LINGO2: variants seen among roughly 807,000 people sequenced by gnomAD.
LINGO2 encodes leucine rich repeat and Ig domain containing 2.
In LINGO2, 14 loss-of-function variants were observed where a neutral mutation model predicts 30.6. The ratio of observed to expected loss-of-function variants is 0.46; its 90% CI spans 0.30 to 0.72. LINGO2 has a LOEUF of 0.72. Ranked by LOEUF, LINGO2 falls within the 30% of genes least tolerant of loss-of-function variation. The pLI is 0.07. For synonymous variants in LINGO2, 317 were observed against 288.5 expected, an observed-to-expected ratio of 1.10 and a Z score of -1.00; for missense variants, 729 against 751.7, an observed-to-expected ratio of 0.97 and a Z score of 0.35.
At chr9:29,182,139 C>A in the LINGO2 span, among the ~76,000 whole-genome samples, 11 of 152,106 alleles carry the variant, frequency 7.2e-5, no homozygotes, top group Non-Finnish European at 1.5e-5. Flanking sequence ...AAAAGGCTTT[C>A]ATTTTATAAA....
chr9:28,090,472 T>G lies in LINGO2; in HGVS notation c.-86-78067A>C, dbSNP rs55930815. The stretch of plus-strand genomic sequence containing the variant: ...AACCAAAGACAAAAAACCACATGAT[T>G]ATCTCAATAGAAGCAGAAAAGGCCT... On this transcript the variant is annotated intron_variant, in intron 4 of 5. Transcript: ENST00000379992. Among the ~76,000 whole-genome samples, 582 of 152,252 alleles carry G rather than the reference T, an allele frequency of 3.8e-3. 3 individuals are homozygous for G. Among genetic ancestry groups the G allele is most frequent in the South Asian group, 0.029 (140 of 4,820 alleles).
chr9:28,926,930 C>T, the LINGO2 span, among the ~76,000 whole-genome samples: 1 of 152,310 alleles, frequency 6.6e-6, no homozygotes, highest in African/African-American at 2.4e-5. Context: ...CCACTGAGAA[C>T]TCTTTACTTA....
At chr9:29,041,421 G>A in the LINGO2 span, among the ~76,000 whole-genome samples, 8 of 151,952 alleles carry the variant, frequency 5.3e-5, no homozygotes, top group African/African-American at 1.7e-4. Context: ...TACTCTATCC[G>A]ATAGTAAGGC....
chr9:28,469,810 A>G (rs1343138850), intron 2 of LINGO2, among the ~76,000 whole-genome samples: 1 of 152,192 alleles, frequency 6.6e-6, no homozygotes, highest in Non-Finnish European at 1.5e-5. Context: ...CTTACTACAT[A>G]TGAAATTCTA....
intron 4 of LINGO2, among the ~76,000 whole-genome samples, chr9:28,035,199 A>G (rs930826885): frequency 1.3e-5 from 2 of 152,238 alleles, no homozygotes; most frequent in Non-Finnish European, 2.9e-5. Flanking sequence ...TTTTGTCAGC[A>G]TACTGCTAAC....
the LINGO2 span, among the ~76,000 whole-genome samples, chr9:29,080,674 T>C: frequency 6.6e-6 from 1 of 152,126 alleles, no homozygotes; most frequent in South Asian, 2.1e-4. Context: ...AAAGAACATC[T>C]TTATTTCTGC....
chr9:28,832,444 G>A, the LINGO2 span, among the ~76,000 whole-genome samples: 42 of 152,190 alleles, frequency 2.8e-4, no homozygotes, highest in Middle Eastern at 3.4e-3. Flanking sequence ...ACTCAGTTCC[G>A]TAACTCTGGA....
the LINGO2 span, among the ~76,000 whole-genome samples, chr9:28,754,343 T>C: frequency 1.3e-5 from 2 of 152,078 alleles, no homozygotes; most frequent in African/African-American, 4.8e-5. Context: ...CGCATATGTG[T>C]CTGATGCTAA....
intron 2 of LINGO2, among the ~76,000 whole-genome samples, chr9:28,374,554 C>T (rs759016120): frequency 6.6e-6 from 1 of 152,070 alleles, no homozygotes; most frequent in Non-Finnish European, 1.5e-5. Flanking sequence ...CCTCCAATAA[C>T]TCCTTTCATC....
the LINGO2 span, among the ~76,000 whole-genome samples, chr9:28,851,518 C>G: frequency 6.6e-6 from 1 of 151,998 alleles, no homozygotes; most frequent in Non-Finnish European, 1.5e-5. Context: ...ATATTAATTT[C>G]TCTTTGCCAT....
the LINGO2 span, among the ~76,000 whole-genome samples, chr9:29,174,249 G>A: frequency 6.6e-6 from 1 of 152,124 alleles, no homozygotes; most frequent in East Asian, 1.9e-4. Context: ...TGTATGCCAT[G>A]TGTTTTCATT....
At chr9:28,548,702 CAAAAAAAAAAA>C (rs147347396) in intron 1 of LINGO2, among the ~76,000 whole-genome samples, 1,617 of 63,382 alleles carry the variant, frequency 0.026, 38 homozygotes, top group East Asian at 0.17. Flanking sequence ...GACTCCATCT[CAAAAAAAAAAA>C]AAAAAAAAAA....
At chr9:28,506,481 TACACATACACACACACAC>T (rs1820133871) in intron 1 of LINGO2, among the ~76,000 whole-genome samples, 1 of 74,772 alleles carries the variant, frequency 1.3e-5, no homozygotes, top group Non-Finnish European at 2.6e-5. Flanking sequence ...CACACACACA[TACACATACACACACACAC>T]ACAGACATAT....
At chr9:28,161,263 A>T (rs913235661) in intron 4 of LINGO2, among the ~76,000 whole-genome samples, 7 of 152,154 alleles carry the variant, frequency 4.6e-5, no homozygotes, top group African/African-American at 1.7e-4. Context: ...CTACTTGGGA[A>T]AAAGCAGGGG....
chr9:28,906,516 T>C, the LINGO2 span, among the ~76,000 whole-genome samples: 9,830 of 151,926 alleles, frequency 0.065, 424 homozygotes, highest in Non-Finnish European at 0.098. Flanking sequence ...TTAAGTGAAA[T>C]AGCCTCATTC....
At chr9:28,399,416 C>A (rs1431103335) in intron 2 of LINGO2, among the ~76,000 whole-genome samples, 1 of 151,996 alleles carries the variant, frequency 6.6e-6, no homozygotes, top group Non-Finnish European at 1.5e-5. Context: ...AGACTGATTA[C>A]ATAAATTATG....
At chr9:29,159,551 G>C in the LINGO2 span, among the ~76,000 whole-genome samples, 9 of 152,114 alleles carry the variant, frequency 5.9e-5, no homozygotes, top group African/African-American at 2.2e-4. Context: ...TTAATACCAA[G>C]TAACATTTTA....
At chr9:28,085,429 T>C (rs1303302622) in intron 4 of LINGO2, among the ~76,000 whole-genome samples, 2 of 152,110 alleles carry the variant, frequency 1.3e-5, no homozygotes, top group African/African-American at 4.8e-5. Context: ...CTTGGTTTCT[T>C]TTCTGAGGGC....
chr9:28,091,497 T>C (rs1383419574), intron 4 of LINGO2, among the ~76,000 whole-genome samples: 2 of 152,214 alleles, frequency 1.3e-5, no homozygotes, highest in Non-Finnish European at 2.9e-5. Context: ...TGGCTAGCCA[T>C]ATGCAGAAAG....
Sources: allele counts gnomAD v4.1 joint callset (sites outside exome capture counted in the v4.1 genomes callset), GRCh38; gene constraint gnomAD v4.1.1; transcripts MANE v1.5; gene names NCBI Gene and HGNC (gene_info 2026-07-23, HGNC 2026-07-21).